The following PAK1 variants were observed in gnomAD, a reference collection of about 807,000 sequenced individuals.
PAK1 encodes serine/threonine-protein kinase PAK 1.
In PAK1, 29 loss-of-function variants were observed where a neutral mutation model predicts 67.4. That is an observed-to-expected ratio of 0.43 (90% CI 0.32 to 0.59). The LOEUF is 0.59. Ranked by LOEUF, PAK1 falls within the 20% of genes least tolerant of loss-of-function variation. The pLI is 0.07. For synonymous variants in PAK1, 223 were observed against 237.4 expected, an observed-to-expected ratio of 0.94 and a Z score of 0.56; for missense variants, 337 against 670.7, an observed-to-expected ratio of 0.50 and a Z score of 5.50.
intron 10 of PAK1, among the ~76,000 whole-genome samples, chr11:77,342,830 T>A (rs1943823623): frequency 6.6e-6 from 1 of 151,364 alleles, no homozygotes; most frequent in African/African-American, 2.4e-5. Flanking sequence ...GTCCAAGATT[T>A]AGTCCAATTT....
intron 14 of PAK1, among the ~76,000 whole-genome samples, chr11:77,326,495 A>G (rs1939902686): frequency 6.6e-6 from 1 of 152,150 alleles, no homozygotes; most frequent in African/African-American, 2.4e-5. Context: ...GCCCAGCCTG[A>G]GCAACATGGC....
chr11:77,381,214 T>C (rs1327349182), intron 2 of PAK1, among the ~76,000 whole-genome samples: 1 of 150,982 alleles, frequency 6.6e-6, no homozygotes, highest in Non-Finnish European at 1.5e-5. Context: ...GATCTCTGCT[T>C]TCTCATCTAA....
At chr11:77,471,112 T>C (rs963576726) in intron 1 of PAK1, among the ~76,000 whole-genome samples, 4 of 152,220 alleles carry the variant, frequency 2.6e-5, no homozygotes, top group Admixed American at 1.3e-4. Flanking sequence ...GCAGTCACTA[T>C]TCTAGGCACT....
chr11:77,390,027 A>G (rs1565653694), intron 2 of PAK1, among the ~76,000 whole-genome samples: 1 of 152,236 alleles, frequency 6.6e-6, no homozygotes, highest in Non-Finnish European at 1.5e-5. Context: ...ATTAAAAATA[A>G]ATACACATCT....
At chr11:77,347,004 G>A in intron 9 of PAK1, 1 of 456,136 alleles carries the variant, frequency 2.2e-6, no homozygotes. Flanking sequence ...GCCCTTCTCA[G>A]CTGGATAACC....
At chr11:77,440,044 C>T (rs936615937) in intron 1 of PAK1, among the ~76,000 whole-genome samples, 2 of 152,190 alleles carry the variant, frequency 1.3e-5, no homozygotes, top group South Asian at 2.1e-4. Flanking sequence ...ACTTAATCCC[C>T]GGTGCCTCCA....
chr11:77,362,800 G>A (rs1415212593), intron 5 of PAK1, among the ~76,000 whole-genome samples: 1 of 151,962 alleles, frequency 6.6e-6, no homozygotes, highest in Non-Finnish European at 1.5e-5. Context: ...GTATAAACTG[G>A]AATGAAATAT....
At chr11:77,527,392 C>T in the PAK1 span, among the ~76,000 whole-genome samples, 8 of 152,324 alleles carry the variant, frequency 5.3e-5, no homozygotes, top group African/African-American at 1.9e-4. Context: ...CCTGTGCCAC[C>T]GTACTGGGCC....
intron 1 of PAK1, among the ~76,000 whole-genome samples, chr11:77,432,730 C>T (rs79629719): frequency 6.6e-6 from 1 of 150,460 alleles, no homozygotes; most frequent in African/African-American, 2.4e-5. Context: ...GGAATCAACA[C>T]CAAAAAAAAA....
chr11:77,336,566 T>G (rs562633722), intron 12 of PAK1, among the ~76,000 whole-genome samples: 1 of 152,368 alleles, frequency 6.6e-6, no homozygotes, highest in Admixed American at 6.5e-5. Context: ...CTGCCCATTT[T>G]GGTCTTGATT....
At chr11:77,382,269 G>A (rs1363874590) in intron 2 of PAK1, among the ~76,000 whole-genome samples, 1 of 152,150 alleles carries the variant, frequency 6.6e-6, no homozygotes, top group African/African-American at 2.4e-5. Flanking sequence ...CCAGAGAAAT[G>A]AAATCATTTA....
chr11:77,457,415 T>C (rs1957129382), intron 1 of PAK1, among the ~76,000 whole-genome samples: 1 of 152,198 alleles, frequency 6.6e-6, no homozygotes, highest in Non-Finnish European at 1.5e-5. Flanking sequence ...CAATTGTTAG[T>C]AAAAAGGTGC....
intron 5 of PAK1, among the ~76,000 whole-genome samples, chr11:77,365,250 T>TC: frequency 6.2e-5 from 2 of 32,042 alleles, no homozygotes; most frequent in Non-Finnish European, 1.1e-4. Context: ...AGACTCTGTC[T>TC]CAAAAAAAAA....
intron 8 of PAK1, among the ~76,000 whole-genome samples, chr11:77,349,805 G>A (rs1008632933): frequency 2.0e-5 from 3 of 151,878 alleles, no homozygotes; most frequent in Admixed American, 2.0e-4. Flanking sequence ...TTTTCAACTG[G>A]GGGGGTGACA....
intron 13 of PAK1, 74 bp downstream of exon 13, chr11:77,336,003 CCACAGAGAA>C: frequency 1.1e-6 from 1 of 872,698 alleles, no homozygotes; most frequent in Non-Finnish European, 1.8e-6. Context: ...AGGTTGAAAA[CCACAGAGAA>C]CACCCTGGAT....
chr11:77,368,695 G>A (rs1244633357), intron 5 of PAK1, among the ~76,000 whole-genome samples: 4 of 151,826 alleles, frequency 2.6e-5, no homozygotes, highest in Admixed American at 6.6e-5. Context: ...CCCACTCTGC[G>A]GCCCAGGCTG....
chr11:77,366,848 G>C (rs7109685), intron 5 of PAK1, among the ~76,000 whole-genome samples: 6,788 of 152,210 alleles, frequency 0.045, 541 homozygotes, highest in African/African-American at 0.16. Flanking sequence ...CCATTCCTTG[G>C]TATATACTCT....
At chr11:77,462,858 C>CAA (rs1224023271) in intron 1 of PAK1, among the ~76,000 whole-genome samples, 53 of 127,258 alleles carry the variant, frequency 4.2e-4, no homozygotes, top group African/African-American at 1.4e-3. Context: ...TCATGTGTCT[C>CAA]AAAAAAAAAA....
intron 1 of PAK1, among the ~76,000 whole-genome samples, chr11:77,401,502 A>T (rs185108412): frequency 6.6e-6 from 1 of 152,334 alleles, no homozygotes; most frequent in East Asian, 1.9e-4. Context: ...CATATATAAA[A>T]GCACCTAGCA....
Sources: allele counts gnomAD v4.1 joint callset (sites outside exome capture counted in the v4.1 genomes callset), GRCh38; gene constraint gnomAD v4.1.1; transcripts MANE v1.5; gene names NCBI Gene and HGNC (gene_info 2026-07-23, HGNC 2026-07-21).